Variants in AGBL4 observed in about 807,000 individuals in gnomAD.
AGBL4 encodes AGBL carboxypeptidase 4.
Under a neutral mutation model 66.4 loss-of-function variants are expected in AGBL4, and 58 were observed. The ratio of observed to expected loss-of-function variants is 0.87; its 90% confidence interval spans 0.71 to 1.09. The LOEUF is 1.09. Ranked by LOEUF, AGBL4 falls within the 50% of genes least tolerant of loss-of-function variation. The pLI is 0.00. For missense variants in AGBL4, 579 were observed against 631.0 expected (o/e 0.92, Z 0.88); for synonymous variants, 234 against 222.9 (o/e 1.05, Z -0.44).
At chr1:49,696,326 C>A (rs888888908) in intron 3 of AGBL4, among the ~76,000 whole-genome samples, 1 of 151,950 alleles carries the variant, frequency 6.6e-6, no homozygotes, top group African/African-American at 2.4e-5. Context: ...TACTGTCTCT[C>A]ATGAAAAATA....
intron 6 of AGBL4, among the ~76,000 whole-genome samples, chr1:48,841,792 T>G (rs567312525): frequency 6.6e-6 from 1 of 152,240 alleles, no homozygotes; most frequent in South Asian, 2.1e-4. Context: ...CAGAGTCTAT[T>G]TTAAGAGTCA....
chr1:48,791,242 C>T (rs1036640787), intron 6 of AGBL4, among the ~76,000 whole-genome samples: 4 of 152,202 alleles, frequency 2.6e-5, no homozygotes, highest in African/African-American at 4.8e-5. Flanking sequence ...CATTCATCCT[C>T]GGGCATTAGC....
intron 3 of AGBL4, among the ~76,000 whole-genome samples, chr1:49,318,066 A>C (rs1343433700): frequency 6.6e-6 from 1 of 152,056 alleles, no homozygotes; most frequent in Non-Finnish European, 1.5e-5. Flanking sequence ...TAAAAGATAG[A>C]GCTTCTTAAT....
intron 3 of AGBL4, among the ~76,000 whole-genome samples, chr1:49,581,484 T>C (rs1475403853): frequency 1.3e-5 from 2 of 152,190 alleles, no homozygotes; most frequent in African/African-American, 4.8e-5. Flanking sequence ...TTATATTTAC[T>C]TTTGTTGGGA....
intron 3 of AGBL4, among the ~76,000 whole-genome samples, chr1:49,607,444 A>G (rs1645080157): frequency 3.3e-5 from 5 of 152,120 alleles, no homozygotes; most frequent in Admixed American, 3.3e-4. Flanking sequence ...TGAGCCCTGC[A>G]TATTCATCAA....
intron 3 of AGBL4, among the ~76,000 whole-genome samples, chr1:49,365,030 C>T (rs923998926): frequency 6.6e-6 from 1 of 152,102 alleles, no homozygotes; most frequent in South Asian, 2.1e-4. Flanking sequence ...TAGTCCTACT[C>T]CATTATTACT....
intron 6 of AGBL4, among the ~76,000 whole-genome samples, chr1:48,823,179 T>C (rs1210498290): frequency 6.6e-6 from 1 of 152,198 alleles, no homozygotes; most frequent in East Asian, 1.9e-4. Flanking sequence ...TTTTCTTCCT[T>C]CTAATAGTGT....
At chr1:48,554,845 G>A (rs149684259) in intron 11 of AGBL4, among the ~76,000 whole-genome samples, 107 of 152,204 alleles carry the variant, frequency 7.0e-4, no homozygotes, top group African/African-American at 2.4e-3. Context: ...TTAAACTCGG[G>A]TCTGTCCTAC....
intron 6 of AGBL4, among the ~76,000 whole-genome samples, chr1:48,671,199 T>C (rs1177640873): frequency 1.3e-5 from 2 of 152,248 alleles, no homozygotes; most frequent in African/African-American, 4.8e-5. Context: ...GCATCTGTTA[T>C]GCCAGCCAGG....
chr1:49,093,007 T>C (rs1645028751), intron 4 of AGBL4, among the ~76,000 whole-genome samples: 1 of 152,108 alleles, frequency 6.6e-6, no homozygotes, highest in Admixed American at 6.6e-5. Context: ...GGATGAGACA[T>C]CAAGGGAAAA....
In AGBL4 at chr1:49,069,348, G is replaced by A. The variant is rs183082976; in HGVS notation, c.378-23548C>T. On this transcript the variant is annotated intron_variant, in intron 4 of 13. Coordinates refer to ENST00000371839, the MANE Select transcript of AGBL4 (RefSeq NM_032785.4). ...TGGTATTGCCTAGGATTTCTTCAAGGGTTTTTATGGTTTTAGGTCTTACAT... is the reference window on the plus strand; with the variant it reads ...TGGTATTGCCTAGGATTTCTTCAAGAGTTTTTATGGTTTTAGGTCTTACAT... Among the ~76,000 whole-genome samples the A allele has an allele frequency of 3.4e-3, 521 of 152,142 alleles. 3 individuals carry two copies. The highest frequency in any genetic ancestry group is 0.011 in the African/African-American group (468 of 41,524).
intron 2 of AGBL4, among the ~76,000 whole-genome samples, chr1:49,848,574 T>C (rs934083100): frequency 2.0e-5 from 3 of 152,178 alleles, no homozygotes; most frequent in Non-Finnish European, 2.9e-5. Flanking sequence ...AGAAAGTCAA[T>C]ACACATGTTC....
chr1:49,866,952 A>G (rs950663423), intron 1 of AGBL4, among the ~76,000 whole-genome samples: 8 of 152,100 alleles, frequency 5.3e-5, no homozygotes, highest in African/African-American at 1.9e-4. Flanking sequence ...TGTAAGCCTG[A>G]GGACATTTTA....
intron 3 of AGBL4, among the ~76,000 whole-genome samples, chr1:49,526,241 T>A (rs1021617762): frequency 1.3e-5 from 2 of 152,156 alleles, no homozygotes; most frequent in Non-Finnish European, 2.9e-5. Context: ...AACCCTATCT[T>A]ACTGAAAACT....
At chr1:48,658,025 T>C (rs1646047970) in intron 7 of AGBL4, among the ~76,000 whole-genome samples, 1 of 152,168 alleles carries the variant, frequency 6.6e-6, no homozygotes, top group Non-Finnish European at 1.5e-5. Context: ...GACCTATGTA[T>C]GAAGTGAGCA....
intron 5 of AGBL4, among the ~76,000 whole-genome samples, chr1:48,975,250 C>T (rs1222802855): frequency 1.3e-5 from 2 of 152,100 alleles, no homozygotes; most frequent in African/African-American, 2.4e-5. Flanking sequence ...TTGAAGGAAA[C>T]ATGCACCATA....
chr1:49,319,863 C>A (rs905135317), intron 3 of AGBL4, among the ~76,000 whole-genome samples: 2 of 152,094 alleles, frequency 1.3e-5, no homozygotes, highest in African/African-American at 2.4e-5. Context: ...AGGCTGAAGC[C>A]CTCAAGGCCT....
At chr1:49,756,323 A>G (rs1359909565) in intron 2 of AGBL4, among the ~76,000 whole-genome samples, 2 of 151,268 alleles carry the variant, frequency 1.3e-5, no homozygotes, top group Admixed American at 6.6e-5. Flanking sequence ...GAATAAGTAG[A>G]AAAAAAAAGC....
At chr1:49,095,306 A>C (rs1221640483) in intron 4 of AGBL4, among the ~76,000 whole-genome samples, 2 of 152,192 alleles carry the variant, frequency 1.3e-5, no homozygotes, top group South Asian at 2.1e-4. Flanking sequence ...GCTACCAATG[A>C]CTTTCTTCAC....
Sources: allele counts gnomAD v4.1 joint callset (sites outside exome capture counted in the v4.1 genomes callset), GRCh38; gene constraint gnomAD v4.1.1; transcripts MANE v1.5; gene names NCBI Gene and HGNC (gene_info 2026-07-23, HGNC 2026-07-21).